DNAH7: variants seen among roughly 807,000 people sequenced by gnomAD.
DNAH7 encodes axonemal beta dynein heavy chain 7.
Under a neutral mutation model 444.6 loss-of-function variants are expected in DNAH7, and 397 were observed. That is an observed-to-expected ratio of 0.89 (90% CI 0.82 to 0.97). The LOEUF (loss-of-function observed/expected upper bound fraction) is 0.97. Among genes scored for constraint, DNAH7 ranks in the 50% least tolerant of loss-of-function variants. The pLI is 0.00. For synonymous variants in DNAH7, 1,636 were observed against 1,624.4 expected (o/e 1.01, Z -0.17); for missense variants, 4,902 against 4,800.8 (o/e 1.02, Z -0.62).
chr2:195,891,415 CT>C (rs5837481), intron 31 of DNAH7, among the ~76,000 whole-genome samples: 68 of 146,294 alleles, frequency 4.6e-4, no homozygotes, highest in Middle Eastern at 3.5e-3. Flanking sequence ...TTGCCCTGGC[CT>C]TTTTTTTTTT....
rs1689067654 is a variant in DNAH7 at position 195,936,598 on chromosome 2, C to T, written c.3272+1G>A. On this transcript the variant is annotated splice_donor_variant, in intron 20 of 64. Transcript: ENST00000312428. LOFTEE classifies it high-confidence loss of function. ...ATGTATTCTACATGTAAATTACTTA[C>T]CTAGTGGGATCTTTAGTCTCAGATA... 6.3e-7 allele frequency: 1 copy of T among 1,576,120 alleles called. No individual in the cohort carries two copies. Among genetic ancestry groups the T allele is most frequent in the Non-Finnish European group, 8.6e-7 (1 of 1,168,098 alleles).
chr2:195,857,479 T>C lies in DNAH7; in HGVS notation c.8312A>G (p.Asn2771Ser). The change falls in exon 44 of 65, where the codon AAT (asparagine) becomes AGT (serine). Residue 2771 changes from asparagine (N) to serine (S), a missense_variant. By Grantham distance (46) the Asn-to-Ser change is conservative. Coordinates refer to ENST00000312428, the MANE Select transcript of DNAH7 (RefSeq NM_018897.3). ...PPAYMNIIRK[N>S]YIPNPDFVPE... ...TACAAAATCTGGATTTGGAATATAA[T>C]TTTTTCTTATGATATTCATATAAGC... 6.2e-7 allele frequency: 1 copy of C among 1,613,660 alleles called. No homozygotes were observed.
chr2:195,898,822 C>G (rs1412216159), intron 28 of DNAH7, among the ~76,000 whole-genome samples: 7 of 152,336 alleles, frequency 4.6e-5, no homozygotes, highest in African/African-American at 1.7e-4. Context: ...CCAAAGTTTA[C>G]TACAAATCTG....
intron 54 of DNAH7, among the ~76,000 whole-genome samples, chr2:195,804,211 C>T (rs1320092675): frequency 6.6e-6 from 1 of 152,150 alleles, no homozygotes; most frequent in South Asian, 2.1e-4. Flanking sequence ...CAGATATTAG[C>T]CCCATTCAGC....
Position 195,794,491 on chromosome 2 carries a change from C to A in DNAH7, c.10563G>T (p.Thr3521=), listed in dbSNP as rs774631313. The change falls in exon 57 of 65, where the codon ACG becomes ACT. Residue 3521 remains threonine, a synonymous_variant. Transcript: ENST00000312428. The part of the protein sequence containing the change: ...STHPDFRMWL[T]SYPSPNFPVS... ...CAGGGAAATTTGGAGATGGGTAACTCGTTAGCCACATTCGGAAATCTGGAT... is the reference window on the plus strand; with the variant it reads ...CAGGGAAATTTGGAGATGGGTAACTAGTTAGCCACATTCGGAAATCTGGAT... 5 of 1,613,978 alleles carry A rather than the reference C, an allele frequency of 3.1e-6. No homozygotes were observed. Among genetic ancestry groups the A allele is most frequent in the Non-Finnish European group, 4.2e-6 (5 of 1,180,002 alleles).
At chr2:195,784,683 C>T (rs1432234901) in intron 58 of DNAH7, among the ~76,000 whole-genome samples, 2 of 152,132 alleles carry the variant, frequency 1.3e-5, no homozygotes, top group South Asian at 4.1e-4. Context: ...AAGTATCTTC[C>T]ATAGTGGCTG....
rs1701412139 is a variant in DNAH7 at position 195,881,992 on chromosome 2, C to T, written c.5764G>A (p.Gly1922Arg). The T allele has an allele frequency of 6.2e-7, 1 of 1,612,114 alleles. No homozygotes were observed. The highest frequency in any genetic ancestry group is 8.5e-7 in the Non-Finnish European group (1 of 1,178,748). ...TIYDYQFVTEGIGKWEPWIKK... is the reference protein window; with the variant it reads ...TIYDYQFVTERIGKWEPWIKK... Reference sequence around the variant, plus strand: ...ATCCATGGTTCCCATTTTCCTATTCCCTGTTTATAATTAACAACCAAGTAA... The same window carrying T: ...ATCCATGGTTCCCATTTTCCTATTCTCTGTTTATAATTAACAACCAAGTAA... The change falls in exon 36 of 65, where the codon GGA becomes AGA. Residue 1922 changes from glycine to arginine, a missense_variant and splice_region_variant. Gly to Arg is a moderately radical substitution (Grantham distance 125). Coordinates refer to ENST00000312428, the MANE Select transcript of DNAH7 (RefSeq NM_018897.3).
At chr2:195,832,242 G>C (rs1281007153) in intron 48 of DNAH7, among the ~76,000 whole-genome samples, 1 of 152,014 alleles carries the variant, frequency 6.6e-6, no homozygotes, top group East Asian at 1.9e-4. Flanking sequence ...TGGCCCTTTT[G>C]TGTCTAAAAT....
At chr2:195,877,075 C>T (rs1442024644) in intron 36 of DNAH7, among the ~76,000 whole-genome samples, 1 of 152,148 alleles carries the variant, frequency 6.6e-6, no homozygotes, top group Non-Finnish European at 1.5e-5. Context: ...CACTTACATA[C>T]AAAGCGATCT....
Position 195,910,116 on chromosome 2 carries a change from T to C in DNAH7, c.4015A>G (p.Lys1339Glu). ...PAGTGKTETT[K>E]DLAKAVAKQC... Reference sequence around the variant, plus strand: ...TTGGCTACAGCTTTTGCCAAATCCTTGGTAGTTTCAGTCTTCCCAGTGCCA... The same window carrying C: ...TTGGCTACAGCTTTTGCCAAATCCTCGGTAGTTTCAGTCTTCCCAGTGCCA... Residue 1339 changes from lysine to glutamate, a missense_variant, in exon 25 of 65, where the codon AAG (lysine) becomes GAG (glutamate). By Grantham distance (56) the Lys-to-Glu change is moderately conservative (BLOSUM62 1). Coordinates refer to ENST00000312428, the MANE Select transcript of DNAH7 (RefSeq NM_018897.3). 1 of 1,613,906 alleles carries C rather than the reference T, an allele frequency of 6.2e-7. No individual in the cohort carries two copies. The highest frequency in any genetic ancestry group is 1.1e-5 in the South Asian group (1 of 91,064).
intron 63 of DNAH7, among the ~76,000 whole-genome samples, chr2:195,743,863 A>G (rs1693204374): frequency 6.6e-6 from 1 of 152,256 alleles, no homozygotes; most frequent in Non-Finnish European, 1.5e-5. Context: ...ATTATAAATT[A>G]AGCCTGCACC....
intron 15 of DNAH7, among the ~76,000 whole-genome samples, chr2:195,978,248 G>C (rs1462419043): frequency 4.6e-5 from 7 of 151,934 alleles, no homozygotes; most frequent in African/African-American, 1.4e-4. Context: ...TAAAAAGCAG[G>C]GGGATACAGT....
Position 195,753,766 on chromosome 2 carries a change from C to T in DNAH7, c.11764+571G>A, listed in dbSNP as rs892579831. Among the ~76,000 whole-genome samples, 3 of 152,230 alleles carry T rather than the reference C, an allele frequency of 2.0e-5. No individual in the cohort carries two copies. In the East Asian group the frequency reaches 5.8e-4, roughly 29 times the overall value. ...GTAGCCATAAAGTGTAGACAATCAT[C>T]AAGAAAATAAAGATTTCCTCACAAT... On this transcript the variant is annotated intron_variant, in intron 63 of 64. Coordinates refer to ENST00000312428, the MANE Select transcript of DNAH7 (RefSeq NM_018897.3).
Position 195,754,510 on chromosome 2 carries a change from C to T in DNAH7, c.11591G>A (p.Trp3864Ter). 1 of 1,613,722 alleles carries T rather than the reference C, an allele frequency of 6.2e-7. No individual in the cohort carries two copies. The highest frequency in any genetic ancestry group is 1.1e-5 in the South Asian group (1 of 91,026). Residue 3864 changes from tryptophan to a stop codon, truncating the protein, a stop_gained, in exon 63 of 65, where the codon TGG becomes TAG. Coordinates refer to ENST00000312428, the MANE Select transcript of DNAH7 (RefSeq NM_018897.3). LOFTEE classifies it high-confidence loss of function. Reference protein sequence around the residue: ...FLARLKFLQQWYEVGPPPVFW... With the variant: ...FLARLKFLQQ ...GACTGGAGGAGGACCAACCTCATAC[C>T]ATTGCTAGGGTGTAAAACACAAGTG...
chr2:195,909,899 T>C (rs1687254243), intron 25 of DNAH7, 128 bp downstream of exon 25: 1 of 924,472 alleles, frequency 1.1e-6, no homozygotes, highest in Non-Finnish European at 1.6e-6. Context: ...ATTATTGAGA[T>C]AGTGCTTCAA....
At chr2:195,919,868 T>C (rs1393072957) in intron 24 of DNAH7, among the ~76,000 whole-genome samples, 1 of 152,128 alleles carries the variant, frequency 6.6e-6, no homozygotes, top group Admixed American at 6.6e-5. Context: ...CATTTGCTTT[T>C]AGAAGAAATG....
At chr2:195,884,953 T>A in intron 34 of DNAH7, 144 bp from the exon 35 acceptor site, 2 of 642,786 alleles carry the variant, frequency 3.1e-6, no homozygotes, top group Non-Finnish European at 5.1e-6. Context: ...TCTCAGGATT[T>A]TGTAATCATA....
chr2:195,805,350 A>T (rs1696661533), intron 54 of DNAH7, among the ~76,000 whole-genome samples: 1 of 152,092 alleles, frequency 6.6e-6, no homozygotes, highest in South Asian at 2.1e-4. Context: ...AAAAACTGAA[A>T]ATTTTAATAA....
intron 19 of DNAH7, among the ~76,000 whole-genome samples, chr2:195,940,189 A>G (rs1370546199): frequency 6.6e-6 from 1 of 152,214 alleles, no homozygotes; most frequent in East Asian, 1.9e-4. Context: ...AGACCAATGG[A>G]ACAGAACAGA....
Sources: allele counts gnomAD v4.1 joint callset (sites outside exome capture counted in the v4.1 genomes callset), GRCh38; gene constraint gnomAD v4.1.1; transcripts MANE v1.5; gene names NCBI Gene and HGNC (gene_info 2026-07-23, HGNC 2026-07-21).